AKAP6: variants seen among roughly 807,000 people sequenced by gnomAD.
The protein encoded by AKAP6 is A-kinase anchoring protein 6, also known as A-kinase anchor protein 6.
A neutral mutation model predicts 188.5 loss-of-function variants in AKAP6; 58 were observed. The ratio of observed to expected loss-of-function variants is 0.31; its 90% CI spans 0.25 to 0.38. The LOEUF (loss-of-function observed/expected upper bound fraction) is 0.38. Among genes scored for constraint, AKAP6 ranks in the 10% least tolerant of loss-of-function variants. The pLI, the probability that AKAP6 is intolerant of heterozygous loss-of-function variation, is 1.00. For missense variants in AKAP6, 2,710 were observed against 2,740.0 expected (o/e 0.99, Z 0.24); for synonymous variants, 989 against 998.6 (o/e 0.99, Z 0.18).
At chr14:32,454,511 G>A (rs558275925) in intron 2 of AKAP6, among the ~76,000 whole-genome samples, 5 of 152,168 alleles carry the variant, frequency 3.3e-5, no homozygotes, top group African/African-American at 4.8e-5. Flanking sequence ...AGTTGGTCTT[G>A]CACTTGCTAA....
chr14:32,684,713 A>G (rs552236914), intron 8 of AKAP6, among the ~76,000 whole-genome samples: 10 of 151,344 alleles, frequency 6.6e-5, no homozygotes, highest in African/African-American at 2.4e-4. Flanking sequence ...CAGTCTATAA[A>G]ATGAGAATCA....
chr14:32,795,598 T>A (rs904822458), intron 12 of AKAP6, among the ~76,000 whole-genome samples: 1 of 152,226 alleles, frequency 6.6e-6, no homozygotes, highest in Non-Finnish European at 1.5e-5. Context: ...TATCCCTTCA[T>A]GTTAAAAACT....
intron 7 of AKAP6, among the ~76,000 whole-genome samples, chr14:32,671,087 G>A (rs532352740): frequency 6.6e-6 from 1 of 152,310 alleles, no homozygotes; most frequent in East Asian, 1.9e-4. Flanking sequence ...AGCTACATGT[G>A]ATAAGTATGT....
chr14:32,661,098 G>A (rs181687900), intron 7 of AKAP6, among the ~76,000 whole-genome samples: 1 of 151,958 alleles, frequency 6.6e-6, no homozygotes, highest in Admixed American at 6.6e-5. Flanking sequence ...GTGACAAATA[G>A]GTAGAAAGGA....
chr14:32,642,143 A>G (rs1594805525), intron 7 of AKAP6, among the ~76,000 whole-genome samples: 1 of 152,190 alleles, frequency 6.6e-6, no homozygotes, highest in East Asian at 1.9e-4. Flanking sequence ...CTGTTTGCAA[A>G]ATAACTTCAG....
chr14:32,705,079 C>T (rs17099467), intron 9 of AKAP6, among the ~76,000 whole-genome samples: 35,546 of 152,080 alleles, frequency 0.23, 4,606 homozygotes, highest in Admixed American at 0.33. Flanking sequence ...CCTTTATGTC[C>T]GTATCTCATA....
At chr14:32,357,829 A>G (rs1887532416) in intron 1 of AKAP6, among the ~76,000 whole-genome samples, 2 of 152,244 alleles carry the variant, frequency 1.3e-5, no homozygotes, top group South Asian at 4.1e-4. Flanking sequence ...GACATCTGTT[A>G]GTAGTGGCGC....
chr14:32,415,568 T>C (rs141589630), intron 1 of AKAP6, among the ~76,000 whole-genome samples: 375 of 152,298 alleles, frequency 2.5e-3, no homozygotes, highest in African/African-American at 8.1e-3. Context: ...CATGTTGAAG[T>C]GTACAGTTCA....
chr14:32,529,460 T>C (rs1882294967), intron 2 of AKAP6, among the ~76,000 whole-genome samples: 1 of 152,228 alleles, frequency 6.6e-6, no homozygotes, highest in African/African-American at 2.4e-5. Flanking sequence ...ATGCCTTTTC[T>C]TTCCTCTTTT....
At chr14:32,520,783 C>T (rs1247002316) in intron 2 of AKAP6, among the ~76,000 whole-genome samples, 2 of 152,174 alleles carry the variant, frequency 1.3e-5, no homozygotes, top group African/African-American at 4.8e-5. Flanking sequence ...GAGCTGCTAC[C>T]ATTCCTTCTG....
intron 12 of AKAP6, among the ~76,000 whole-genome samples, chr14:32,809,306 T>A (rs2034164711): frequency 6.6e-6 from 1 of 152,222 alleles, no homozygotes; most frequent in African/African-American, 2.4e-5. Flanking sequence ...CTGTGGCGTT[T>A]AAGTGTTAAA....
Position 32,458,645 on chromosome 14 carries a change from A to G in AKAP6, c.324+24828A>G, listed in dbSNP as rs192423274. On this transcript the variant is annotated intron_variant, in intron 2 of 13. Coordinates refer to ENST00000280979, the MANE Select transcript of AKAP6 (RefSeq NM_004274.5). ...TAACATCTTTGCAGACAATAAAAGC[A>G]TGCCAGAAATAAATGCCCACAAAAT... Among the ~76,000 whole-genome samples the G allele has an allele frequency of 3.9e-5, 6 of 152,284 alleles. No homozygotes were observed. The South Asian group carries it at 6.2e-4, about 16-fold the overall frequency.
At position 32,824,657 on chromosome 14, in the gene AKAP6, T is replaced by C; in HGVS notation, c.6844T>C (p.Leu2282=). The change falls in exon 13 of 14, where the codon TTG becomes CTG. Residue 2282 remains leucine (L), a synonymous_variant. Coordinates refer to ENST00000280979, the MANE Select transcript of AKAP6 (RefSeq NM_004274.5). ...SAKSKVQDLS[L]KANQPTDKAA... is the part of the protein sequence containing the mutation. ...CAAATCTAAAGTTCAAGACCTCTCC[T>C]TGAAGGCAAATCAGCCAACAGACAA... The C allele has an allele frequency of 6.2e-7, 1 of 1,613,922 alleles. No individual in the cohort carries two copies. Among genetic ancestry groups the C allele is most frequent in the Non-Finnish European group, 8.5e-7 (1 of 1,179,904 alleles).
At chr14:32,673,338 G>A (rs747833719) in intron 7 of AKAP6, among the ~76,000 whole-genome samples, 17 of 152,168 alleles carry the variant, frequency 1.1e-4, no homozygotes, top group Non-Finnish European at 1.6e-4. Flanking sequence ...ACCACACTGC[G>A]GTGCCTCAGG....
At chr14:32,395,701 A>T (rs1057213037) in intron 1 of AKAP6, among the ~76,000 whole-genome samples, 1 of 151,980 alleles carries the variant, frequency 6.6e-6, no homozygotes, top group African/African-American at 2.4e-5. Context: ...ACTTACACTT[A>T]TTTTTCCCCC....
intron 1 of AKAP6, among the ~76,000 whole-genome samples, chr14:32,432,630 A>G (rs1890259220): frequency 6.6e-6 from 1 of 152,214 alleles, no homozygotes; most frequent in South Asian, 2.1e-4. Context: ...GTTATTATTT[A>G]ACTAACAAAT....
At chr14:32,716,398 G>A (rs1376996044) in intron 9 of AKAP6, among the ~76,000 whole-genome samples, 1 of 151,202 alleles carries the variant, frequency 6.6e-6, no homozygotes. Context: ...TATCCTATTA[G>A]GCTGGTGCAA....
At position 32,832,349 on chromosome 14, in the gene AKAP6, A is replaced by G. The variant is rs2034829204; in HGVS notation, c.*2544A>G. The G allele has an allele frequency of 6.6e-6, 1 of 152,170 alleles. No individual in the cohort carries two copies. Among genetic ancestry groups the G allele is most frequent in the Non-Finnish European group, 1.5e-5 (1 of 68,028 alleles). 9.4% of individuals were successfully genotyped at this position (152,170 alleles called of 1,614,324 possible). Reference sequence around the variant, plus strand: ...ACAACCTAAATTTTCTTTGGGTAGTAACTAATGTCAAGTCTACATCGACTG... The same window carrying G: ...ACAACCTAAATTTTCTTTGGGTAGTGACTAATGTCAAGTCTACATCGACTG... On this transcript the variant is annotated 3_prime_UTR_variant, in exon 14 of 14. Coordinates refer to ENST00000280979, the MANE Select transcript of AKAP6 (RefSeq NM_004274.5).
At chr14:32,395,113 G>A (rs1888837024) in intron 1 of AKAP6, among the ~76,000 whole-genome samples, 1 of 152,004 alleles carries the variant, frequency 6.6e-6, no homozygotes, top group Non-Finnish European at 1.5e-5. Flanking sequence ...CTCATCCCAT[G>A]TATACAATAA....
Sources: gnomAD v4.1 joint callset for allele counts (sites outside exome capture counted in the v4.1 genomes callset) on GRCh38, gnomAD v4.1.1 for gene constraint, MANE v1.5 for transcripts, NCBI Gene and HGNC (gene_info 2026-07-23, HGNC 2026-07-21) for gene names.